SYT1: variants seen among roughly 807,000 people sequenced by gnomAD.
SYT1 encodes the protein synaptotagmin-1.
Under a neutral mutation model 44.8 loss-of-function variants are expected in SYT1, and 8 were observed. The ratio of observed to expected loss-of-function variants is 0.18; its 90% CI spans 0.10 to 0.32. The LOEUF (loss-of-function observed/expected upper bound fraction) is 0.32, where lower values mean the gene tolerates loss of function less well. Ranked by LOEUF, SYT1 falls within the 10% of genes least tolerant of loss-of-function variation. SYT1 has a pLI of 1.00. For synonymous variants in SYT1, 154 were observed against 188.8 expected, an observed-to-expected ratio of 0.82 and a Z score of 1.51; for missense variants, 286 against 509.3, an observed-to-expected ratio of 0.56 and a Z score of 4.22.
chr12:79,445,904 AATAAGT>A (rs1311320981), intron 10 of SYT1, among the ~76,000 whole-genome samples: 2 of 144,336 alleles, frequency 1.4e-5, no homozygotes, highest in East Asian at 4.0e-4. Flanking sequence ...TTATATATAT[AATAAGT>A]ATAGCTATAT....
intron 3 of SYT1, among the ~76,000 whole-genome samples, chr12:79,113,559 GTC>G (rs1879126316): frequency 6.6e-6 from 1 of 152,066 alleles, no homozygotes; most frequent in South Asian, 2.1e-4. Flanking sequence ...GCATATTAAA[GTC>G]TAACATGTGC....
chr12:78,923,902 G>C (rs745811020), intron 1 of SYT1, among the ~76,000 whole-genome samples: 17 of 151,816 alleles, frequency 1.1e-4, no homozygotes, highest in Admixed American at 6.6e-4. Context: ...AGATTTCATA[G>C]GTTTCCCAAT....
At chr12:78,869,338 T>C (rs886609020) in intron 1 of SYT1, among the ~76,000 whole-genome samples, 3 of 151,992 alleles carry the variant, frequency 2.0e-5, no homozygotes, top group South Asian at 2.1e-4. Flanking sequence ...TCCATTCATA[T>C]GTACTAGCAA....
Position 79,217,539 on chromosome 12 carries a change from A to G in SYT1, c.20A>G (p.His7Arg). MVSESHHEALAAPPVTT... is the reference protein window; with the variant it reads MVSESHREALAAPPVTT... ...CCTAAAATGGTGAGCGAGAGTCACC[A>G]TGAGGCCCTGGCAGCCCCGCCTGTC... Residue 7 changes from histidine (H) to arginine (R), a missense_variant, in exon 4 of 11, where the codon CAT (histidine) becomes CGT (arginine). Coordinates refer to ENST00000261205, the MANE Select transcript of SYT1 (RefSeq NM_005639.3). 1.9e-6 allele frequency: 3 copies of G among 1,600,788 alleles called. No individual in the cohort carries two copies. The highest frequency in any genetic ancestry group is 2.7e-5 in the African/African-American group (2 of 74,034).
At chr12:79,102,804 AC>A (rs1452350639) in intron 3 of SYT1, among the ~76,000 whole-genome samples, 6 of 152,222 alleles carry the variant, frequency 3.9e-5, no homozygotes, top group Admixed American at 3.9e-4. Flanking sequence ...TTCTGAATCA[AC>A]AAATTTTAAG....
At chr12:78,979,876 T>A (rs1391689999) in intron 2 of SYT1, among the ~76,000 whole-genome samples, 1 of 152,062 alleles carries the variant, frequency 6.6e-6, no homozygotes, top group African/African-American at 2.4e-5. Context: ...TACAAAGCTT[T>A]GTAAATAACA....
intron 2 of SYT1, among the ~76,000 whole-genome samples, chr12:79,001,879 T>G (rs1187439604): frequency 6.8e-6 from 1 of 147,854 alleles, no homozygotes; most frequent in Non-Finnish European, 1.5e-5. Context: ...GATAAACTAG[T>G]GTTTTTTTTT....
At chr12:78,946,866 G>T (rs963981992) in intron 1 of SYT1, among the ~76,000 whole-genome samples, 3 of 152,082 alleles carry the variant, frequency 2.0e-5, no homozygotes, top group East Asian at 3.8e-4. Context: ...GACCAGAGAA[G>T]ATATGTTTTT....
intron 3 of SYT1, among the ~76,000 whole-genome samples, chr12:79,070,463 C>A (rs1565792043): frequency 6.6e-6 from 1 of 151,804 alleles, no homozygotes; most frequent in Non-Finnish European, 1.5e-5. Context: ...CCTTGAAGGT[C>A]TTTTTGTTTT....
intron 1 of SYT1, among the ~76,000 whole-genome samples, chr12:78,878,917 G>A (rs2137051913): frequency 6.6e-6 from 1 of 151,808 alleles, no homozygotes; most frequent in East Asian, 2.0e-4. Context: ...TCATCTCAAT[G>A]TAAAGTTTAA....
chr12:79,301,119 A>G (rs1471270041), intron 8 of SYT1, among the ~76,000 whole-genome samples: 1 of 152,024 alleles, frequency 6.6e-6, no homozygotes, highest in African/African-American at 2.4e-5. Flanking sequence ...TGGGTGATAA[A>G]GTAGGACCAT....
At chr12:79,340,720 G>A (rs2139046318) in intron 8 of SYT1, among the ~76,000 whole-genome samples, 1 of 152,282 alleles carries the variant, frequency 6.6e-6, no homozygotes, top group South Asian at 2.1e-4. Context: ...TGGATGCCAT[G>A]TTGCCCATTA....
chr12:78,870,646 C>A (rs1179892916), intron 1 of SYT1, among the ~76,000 whole-genome samples: 1 of 151,948 alleles, frequency 6.6e-6, no homozygotes, highest in African/African-American at 2.4e-5. Flanking sequence ...CATTTCAGTC[C>A]CTTGAGAATA....
At position 79,292,897 on chromosome 12, in the gene SYT1, G is replaced by T. The variant is rs566760166; in HGVS notation, c.474+767G>T. ...AACTGTTAAAAATCGCTTTTCATTT[G>T]AAGACATTCCAGGATCCACAACGTT... On this transcript the variant is annotated intron_variant, in intron 6 of 10. Transcript: ENST00000261205. 1.6e-3 allele frequency among the ~76,000 whole-genome samples: 242 copies of T among 152,184 alleles called. 1 individual carries two copies. Among genetic ancestry groups the T allele is most frequent in the African/African-American group, 5.6e-3 (231 of 41,526 alleles).
chr12:79,298,110 T>C (rs1161674342), intron 7 of SYT1, among the ~76,000 whole-genome samples: 1 of 152,162 alleles, frequency 6.6e-6, no homozygotes, highest in Non-Finnish European at 1.5e-5. Context: ...AAGGTCTGTC[T>C]GACCCCAAGT....
At chr12:79,377,143 G>A (rs557063946) in intron 9 of SYT1, among the ~76,000 whole-genome samples, 4 of 127,008 alleles carry the variant, frequency 3.1e-5, no homozygotes, top group South Asian at 5.0e-4. Flanking sequence ...ACAGAGTCTC[G>A]CTCCATTGCC....
chr12:79,356,417 CA>C (rs1472628963), intron 9 of SYT1, among the ~76,000 whole-genome samples: 1 of 152,018 alleles, frequency 6.6e-6, no homozygotes, highest in Non-Finnish European at 1.5e-5. Flanking sequence ...TAGCACTAAG[CA>C]TAGCTGCTGA....
intron 1 of SYT1, among the ~76,000 whole-genome samples, chr12:78,929,674 AATC>A (rs1877524678): frequency 6.6e-6 from 1 of 150,870 alleles, no homozygotes; most frequent in South Asian, 2.1e-4. Context: ...GCAGCCATCT[AATC>A]ATATGACTTA....
intron 3 of SYT1, among the ~76,000 whole-genome samples, chr12:79,193,614 G>A (rs1001289257): frequency 6.6e-6 from 1 of 152,016 alleles, no homozygotes; most frequent in African/African-American, 2.4e-5. Flanking sequence ...AGTAATCCCA[G>A]CTATTCAAGA....
Sources: gnomAD v4.1 joint callset for allele counts (sites outside exome capture counted in the v4.1 genomes callset) on GRCh38, gnomAD v4.1.1 for gene constraint, MANE v1.5 for transcripts, NCBI Gene and HGNC (gene_info 2026-07-23, HGNC 2026-07-21) for gene names.